The following KCNQ5 variants were observed in gnomAD, a reference collection of about 807,000 sequenced individuals.
KCNQ5 encodes the protein potassium voltage-gated channel subfamily KQT member 5.
In KCNQ5, 30 loss-of-function variants were observed where a neutral mutation model predicts 98.2. The observed-to-expected ratio is 0.31, with a 90% CI of 0.23 to 0.41. The LOEUF is 0.41. Among genes scored for constraint, KCNQ5 ranks in the 10% least tolerant of loss-of-function variants. The probability of loss-of-function intolerance (pLI) is 1.00; values close to 1 mark genes in which losing one functional copy is unlikely to be tolerated. For missense variants in KCNQ5, 835 were observed against 1,182.5 expected (o/e 0.71, Z 4.31); for synonymous variants, 458 against 449.4 (o/e 1.02, Z -0.24).
At chr6:73,066,676 A>G (rs1773072621) in intron 3 of KCNQ5, among the ~76,000 whole-genome samples, 1 of 152,208 alleles carries the variant, frequency 6.6e-6, no homozygotes, top group African/African-American at 2.4e-5. Context: ...TGCCAGTTCA[A>G]TCCAACTATT....
rs768106683 is a variant in KCNQ5 at position 73,133,601 on chromosome 6, G to A, written c.1428G>A (p.Ser476=). 23 of 1,614,008 alleles carry A rather than the reference G, an allele frequency of 1.4e-5. No individual in the cohort carries two copies. Among genetic ancestry groups the A allele is most frequent in the African/African-American group, 8.0e-5 (6 of 74,902 alleles). Residue 476 remains serine, a synonymous_variant, in exon 10 of 14, where the codon TCG becomes TCA. Transcript: ENST00000370398. Reference sequence around the variant, plus strand: ...ACGACCGAACCCGCTTCCGGCCCTCGCTGCGCCTCAAAAGTTCTCAGCCAA... The same window carrying A: ...ACGACCGAACCCGCTTCCGGCCCTCACTGCGCCTCAAAAGTTCTCAGCCAA... ...SFNDRTRFRP[S]LRLKSSQPKP...
At chr6:72,884,021 G>A (rs1044630795) in intron 1 of KCNQ5, among the ~76,000 whole-genome samples, 4 of 152,140 alleles carry the variant, frequency 2.6e-5, no homozygotes, top group Non-Finnish European at 4.4e-5. Flanking sequence ...GGACATATAT[G>A]ATAGTCTTCT....
At chr6:72,755,697 G>T (rs9689048) in intron 1 of KCNQ5, among the ~76,000 whole-genome samples, 19,542 of 152,064 alleles carry the variant, frequency 0.13, 1,383 homozygotes, top group South Asian at 0.17. Context: ...ACAATACATT[G>T]TAACTATGCT....
intron 10 of KCNQ5, among the ~76,000 whole-genome samples, chr6:73,155,803 T>C (rs1481595629): frequency 6.6e-6 from 1 of 152,228 alleles, no homozygotes; most frequent in Non-Finnish European, 1.5e-5. Flanking sequence ...AATGCACATG[T>C]ATTACTATTA....
chr6:72,901,629 G>A (rs1779508963), intron 1 of KCNQ5, among the ~76,000 whole-genome samples: 1 of 152,036 alleles, frequency 6.6e-6, no homozygotes, highest in Admixed American at 6.5e-5. Flanking sequence ...TTATGTTTTT[G>A]TTTGCTTTGT....
At chr6:73,116,941 T>C (rs966854928) in intron 7 of KCNQ5, among the ~76,000 whole-genome samples, 2 of 152,168 alleles carry the variant, frequency 1.3e-5, no homozygotes, top group African/African-American at 4.8e-5. Context: ...ATAATGGTAA[T>C]ACTTGCAAGA....
chr6:72,685,124 A>G (rs1350230723), intron 1 of KCNQ5, among the ~76,000 whole-genome samples: 1 of 152,176 alleles, frequency 6.6e-6, no homozygotes, highest in Non-Finnish European at 1.5e-5. Context: ...GTTGTGCAGA[A>G]TGATTGAATG....
chr6:72,924,397 A>G (rs1417313884), intron 1 of KCNQ5, among the ~76,000 whole-genome samples: 1 of 152,196 alleles, frequency 6.6e-6, no homozygotes, highest in Non-Finnish European at 1.5e-5. Flanking sequence ...AGTGAAAACT[A>G]GGGTCACCAA....
chr6:73,185,612 T>C (rs1778543991), intron 11 of KCNQ5, among the ~76,000 whole-genome samples: 1 of 152,202 alleles, frequency 6.6e-6, no homozygotes, highest in Non-Finnish European at 1.5e-5. Flanking sequence ...TACTTTATTG[T>C]TGCTGGAACC....
intron 1 of KCNQ5, among the ~76,000 whole-genome samples, chr6:72,935,730 A>T (rs1029473334): frequency 1.3e-5 from 2 of 152,086 alleles, no homozygotes; most frequent in African/African-American, 4.8e-5. Flanking sequence ...TTCATCTCCC[A>T]TTCACTGTAA....
At chr6:72,844,155 A>G (rs1204085324) in intron 1 of KCNQ5, among the ~76,000 whole-genome samples, 1 of 152,200 alleles carries the variant, frequency 6.6e-6, no homozygotes, top group East Asian at 1.9e-4. Context: ...CAGAACTTAA[A>G]GTATAATAAT....
intron 1 of KCNQ5, among the ~76,000 whole-genome samples, chr6:72,893,680 C>T (rs1779143643): frequency 6.6e-6 from 1 of 152,146 alleles, no homozygotes; most frequent in African/African-American, 2.4e-5. Context: ...TTTTTCCACA[C>T]CATTTTTGCT....
chr6:73,181,676 T>C (rs968470524), intron 11 of KCNQ5, among the ~76,000 whole-genome samples: 4 of 152,196 alleles, frequency 2.6e-5, no homozygotes, highest in Non-Finnish European at 5.9e-5. Context: ...CATATCAAAG[T>C]GTCTTTTTCA....
intron 1 of KCNQ5, among the ~76,000 whole-genome samples, chr6:72,662,665 A>G (rs1272554480): frequency 6.6e-6 from 1 of 151,994 alleles, no homozygotes; most frequent in African/African-American, 2.4e-5. Context: ...GGCTCCTGAC[A>G]TTGTTTAGCA....
intron 1 of KCNQ5, among the ~76,000 whole-genome samples, chr6:72,922,805 TTTTTC>T (rs1458904062): frequency 8.5e-6 from 1 of 118,290 alleles, no homozygotes; most frequent in Admixed American, 8.9e-5. Context: ...TTTCTTTTTC[TTTTTC>T]TTTTTTTTTT....
chr6:72,996,329 A>G (rs1345437185), intron 1 of KCNQ5, among the ~76,000 whole-genome samples: 1 of 152,214 alleles, frequency 6.6e-6, no homozygotes, highest in African/African-American at 2.4e-5. Context: ...AGTCTCCGAA[A>G]CCTAAAACTT....
chr6:73,055,244 G>C, intron 3 of KCNQ5: 1 of 1,270,406 alleles, frequency 7.9e-7, no homozygotes, highest in East Asian at 2.3e-5. Context: ...CTATGAGTTT[G>C]ACATCTGCTT....
chr6:72,903,083 G>A (rs1779571123), intron 1 of KCNQ5, among the ~76,000 whole-genome samples: 1 of 152,052 alleles, frequency 6.6e-6, no homozygotes. Context: ...TTGCAGGAAT[G>A]TATCCATCTC....
intron 2 of KCNQ5, among the ~76,000 whole-genome samples, chr6:73,010,483 T>C (rs921730076): frequency 6.6e-6 from 1 of 151,964 alleles, no homozygotes; most frequent in African/African-American, 2.4e-5. Flanking sequence ...TTGCCATCCC[T>C]ATTCAACAAA....
Sources: gnomAD v4.1 joint callset for allele counts (sites outside exome capture counted in the v4.1 genomes callset) on GRCh38, gnomAD v4.1.1 for gene constraint, MANE v1.5 for transcripts, NCBI Gene and HGNC (gene_info 2026-07-23, HGNC 2026-07-21) for gene names.